NOVA1: variants seen among roughly 807,000 people sequenced by gnomAD.
NOVA1 encodes the protein NOVA alternative splicing regulator 1.
Under a neutral mutation model 38.0 loss-of-function variants are expected in NOVA1, and 7 were observed. The observed-to-expected ratio is 0.18, with a 90% CI of 0.10 to 0.35. The LOEUF (loss-of-function observed/expected upper bound fraction) is 0.35, where lower values mean the gene tolerates loss of function less well. Ranked by LOEUF, NOVA1 falls within the 10% of genes least tolerant of loss-of-function variation. The probability of loss-of-function intolerance (pLI) is 1.00; values close to 1 mark genes in which losing one functional copy is unlikely to be tolerated. For missense variants in NOVA1, 460 were observed against 616.0 expected (o/e 0.75, Z 2.68); for synonymous variants, 270 against 232.5 (o/e 1.16, Z -1.47).
chr14:26,498,995 A>G (rs916052582), intron 2 of NOVA1, among the ~76,000 whole-genome samples: 2 of 152,198 alleles, frequency 1.3e-5, no homozygotes, highest in African/African-American at 4.8e-5. Flanking sequence ...CAAAAAAAGA[A>G]AGGTCAAATA....
At chr14:26,485,239 T>C (rs1885790406) in intron 2 of NOVA1, among the ~76,000 whole-genome samples, 1 of 152,142 alleles carries the variant, frequency 6.6e-6, no homozygotes, top group African/African-American at 2.4e-5. Flanking sequence ...CTAAAATTTC[T>C]TGTCTGTATT....
chr14:26,556,566 G>A (rs1891493302), intron 2 of NOVA1, among the ~76,000 whole-genome samples: 1 of 152,042 alleles, frequency 6.6e-6, no homozygotes, highest in Non-Finnish European at 1.5e-5. Flanking sequence ...AGATAACATA[G>A]GATAAAATCA....
At chr14:26,521,749 T>C (rs1888915664) in intron 2 of NOVA1, among the ~76,000 whole-genome samples, 1 of 152,092 alleles carries the variant, frequency 6.6e-6, no homozygotes, top group Non-Finnish European at 1.5e-5. Flanking sequence ...CCTATTAATA[T>C]ATAGGTTCAG....
At chr14:26,560,570 T>A (rs571590519) in intron 2 of NOVA1, among the ~76,000 whole-genome samples, 50 of 152,286 alleles carry the variant, frequency 3.3e-4, no homozygotes, top group Non-Finnish European at 5.4e-4. Context: ...AGATTTTGTA[T>A]AAAATTCTAT....
intron 2 of NOVA1, among the ~76,000 whole-genome samples, chr14:26,573,084 A>T (rs936354030): frequency 6.6e-6 from 1 of 152,144 alleles, no homozygotes; most frequent in East Asian, 1.9e-4. Flanking sequence ...CATTTACGTG[A>T]TGATTTCAAG....
intron 2 of NOVA1, among the ~76,000 whole-genome samples, chr14:26,555,950 A>T (rs1206036336): frequency 2.0e-5 from 3 of 152,176 alleles, no homozygotes; most frequent in Admixed American, 1.3e-4. Context: ...AAACTAACAA[A>T]ATATGTTCAT....
chr14:26,463,313 T>G (rs1389256275), intron 4 of NOVA1, among the ~76,000 whole-genome samples: 1 of 152,206 alleles, frequency 6.6e-6, no homozygotes, highest in South Asian at 2.1e-4. Flanking sequence ...TCTTGTATCT[T>G]TGCCAGCACT....
chr14:26,537,253 T>C (rs931089436), intron 2 of NOVA1, among the ~76,000 whole-genome samples: 1 of 152,000 alleles, frequency 6.6e-6, no homozygotes, highest in African/African-American at 2.4e-5. Context: ...ATGCACATGG[T>C]AAAATATTAA....
At chr14:26,533,329 G>C (rs1461243955) in intron 2 of NOVA1, among the ~76,000 whole-genome samples, 1 of 152,134 alleles carries the variant, frequency 6.6e-6, no homozygotes, top group Non-Finnish European at 1.5e-5. Context: ...AATGCAATGG[G>C]TAAGTGGTTC....
At chr14:26,489,110 AAATT>A (rs1224722334) in intron 2 of NOVA1, among the ~76,000 whole-genome samples, 3 of 152,132 alleles carry the variant, frequency 2.0e-5, no homozygotes, top group Non-Finnish European at 2.9e-5. Context: ...GAGAGCAAGA[AAATT>A]AATGTCTCTT....
At chr14:26,549,673 A>C (rs1891046840) in intron 2 of NOVA1, 1 of 1,235,438 alleles carries the variant, frequency 8.1e-7, no homozygotes, top group Non-Finnish European at 1.1e-6. Context: ...GTACACAAGA[A>C]ACTTACAGTC....
intron 2 of NOVA1, among the ~76,000 whole-genome samples, chr14:26,492,630 T>A (rs1886429529): frequency 1.3e-5 from 2 of 152,226 alleles, no homozygotes; most frequent in African/African-American, 4.8e-5. Flanking sequence ...ATTAAAGCTA[T>A]CCTATGACTA....
chr14:26,496,832 T>C (rs1886837922), intron 2 of NOVA1, among the ~76,000 whole-genome samples: 1 of 152,276 alleles, frequency 6.6e-6, no homozygotes, highest in Non-Finnish European at 1.5e-5. Flanking sequence ...CTGAGGGCTC[T>C]GTTCTGTTCC....
intron 2 of NOVA1, among the ~76,000 whole-genome samples, chr14:26,560,838 A>C (rs185658010): frequency 3.3e-4 from 50 of 152,316 alleles, no homozygotes; most frequent in African/African-American, 1.2e-3. Flanking sequence ...AGTTTTAACC[A>C]TCTCTGGCTC....
rs1893721367 is a variant in NOVA1 at position 26,589,566 on chromosome 14, T to A, written c.280+5844A>T. On this transcript the variant is annotated intron_variant, in intron 2 of 4. Transcript: ENST00000539517. ...GTACTTGCCAAAGCCATCAATATTC[T>A]AAAAAGATACAACTTAAATTTTATA... Among the ~76,000 whole-genome samples, 3 of 151,926 alleles carry A rather than the reference T, an allele frequency of 2.0e-5. No individual in the cohort carries two copies. In the South Asian group the frequency reaches 6.2e-4, roughly 31 times the overall value.
chr14:26,503,767 C>G (rs1887421445), intron 2 of NOVA1, among the ~76,000 whole-genome samples: 1 of 151,992 alleles, frequency 6.6e-6, no homozygotes, highest in African/African-American at 2.4e-5. Flanking sequence ...GCTAAATAAA[C>G]TGATTCATCA....
chr14:26,462,038 G>C (rs1038437985), intron 4 of NOVA1, among the ~76,000 whole-genome samples: 1 of 151,956 alleles, frequency 6.6e-6, no homozygotes, highest in African/African-American at 2.4e-5. Flanking sequence ...ATAGTCAAAA[G>C]TATTAAGCTA....
chr14:26,587,763 TAAAAA>T (rs1893616608), intron 2 of NOVA1, among the ~76,000 whole-genome samples: 1 of 151,140 alleles, frequency 6.6e-6, no homozygotes, highest in Non-Finnish European at 1.5e-5. Flanking sequence ...TTTAGCAACA[TAAAAA>T]GAAAACAAAA....
At chr14:26,502,626 C>G (rs953650638) in intron 2 of NOVA1, among the ~76,000 whole-genome samples, 2 of 148,316 alleles carry the variant, frequency 1.3e-5, no homozygotes, top group Non-Finnish European at 3.0e-5. Flanking sequence ...AAAAAGCCTA[C>G]TTATAGTTAA....
Sources: gnomAD v4.1 joint callset for allele counts (sites outside exome capture counted in the v4.1 genomes callset) on GRCh38, gnomAD v4.1.1 for gene constraint, MANE v1.5 for transcripts, NCBI Gene and HGNC (gene_info 2026-07-23, HGNC 2026-07-21) for gene names.